GMDS: variants seen among roughly 807,000 people sequenced by gnomAD.
The protein encoded by GMDS is GDP-mannose 4,6 dehydratase.
GMDS carries 20 observed loss-of-function variants against 49.9 expected under a neutral mutation model. That is an observed-to-expected ratio of 0.40 (90% CI 0.28 to 0.58). GMDS has a LOEUF of 0.58. GMDS is among the 20% of genes least tolerant of loss of function. The pLI, the probability that GMDS is intolerant of heterozygous loss-of-function variation, is 0.42. For synonymous variants in GMDS, 177 were observed against 178.6 expected, an observed-to-expected ratio of 0.99 and a Z score of 0.07; for missense variants, 362 against 481.4, an observed-to-expected ratio of 0.75 and a Z score of 2.32.
At chr6:2,163,451 G>T (rs1289086238) in intron 1 of GMDS, among the ~76,000 whole-genome samples, 2 of 149,742 alleles carry the variant, frequency 1.3e-5, no homozygotes, top group Non-Finnish European at 2.9e-5. Context: ...GAGAGAGAGA[G>T]ATTTACTACA....
At chr6:1,844,880 A>C (rs538858938) in intron 7 of GMDS, among the ~76,000 whole-genome samples, 2 of 152,352 alleles carry the variant, frequency 1.3e-5, no homozygotes, top group East Asian at 3.9e-4. Context: ...GAGAGTTACA[A>C]CTGTAACCTG....
At chr6:2,211,191 T>C (rs931103923) in intron 1 of GMDS, among the ~76,000 whole-genome samples, 2 of 152,116 alleles carry the variant, frequency 1.3e-5, no homozygotes, top group African/African-American at 4.8e-5. Flanking sequence ...CCAAAACAGC[T>C]CTGGTTTGTT....
intron 6 of GMDS, among the ~76,000 whole-genome samples, chr6:1,950,361 G>GA (rs1373646304): frequency 1.3e-5 from 2 of 152,108 alleles, no homozygotes; most frequent in African/African-American, 4.8e-5. Flanking sequence ...ATTCTCAAAT[G>GA]AAAAATGTGT....
intron 1 of GMDS, among the ~76,000 whole-genome samples, chr6:2,172,404 T>C (rs1408739580): frequency 2.6e-5 from 4 of 152,050 alleles, no homozygotes; most frequent in East Asian, 1.9e-4. Context: ...TTAAAAAGAA[T>C]TGATATGGCC....
At chr6:2,050,071 A>T (rs955879903) in intron 4 of GMDS, among the ~76,000 whole-genome samples, 3 of 152,232 alleles carry the variant, frequency 2.0e-5, no homozygotes, top group Non-Finnish European at 4.4e-5. Context: ...AACCCTTTAA[A>T]AAATCACTAA....
chr6:1,825,290 A>T (rs1420889206), intron 7 of GMDS, among the ~76,000 whole-genome samples: 1 of 152,236 alleles, frequency 6.6e-6, no homozygotes, highest in East Asian at 1.9e-4. Flanking sequence ...TACAGAAAAC[A>T]TAAAAATTCT....
intron 1 of GMDS, among the ~76,000 whole-genome samples, chr6:2,128,308 C>G (rs9503103): frequency 0.11 from 16,610 of 151,746 alleles, 3,009 homozygotes; most frequent in African/African-American, 0.38. Flanking sequence ...CTGAGTAACT[C>G]AGATTACAGG....
At position 2,191,251 on chromosome 6, in the gene GMDS, T is replaced by A. The variant is rs764296566; in HGVS notation, c.102+54070A>T. On this transcript the variant is annotated intron_variant, in intron 1 of 10. Coordinates refer to ENST00000380815, the MANE Select transcript of GMDS (RefSeq NM_001500.4). The surrounding 1 kb of genome is among the most constrained non-coding windows in gnomAD (Gnocchi z 4.6). ...GCTATCCGCTCCTGGAGGCACCCCC[T>A]GGGGAAGGGCCGCAAGCGGGATGAG... is the stretch of plus-strand genomic sequence containing the variant. Among the ~76,000 whole-genome samples the A allele has an allele frequency of 7.2e-5, 11 of 151,944 alleles. No individual in the cohort carries two copies. Among genetic ancestry groups the A allele is most frequent in the Non-Finnish European group, 1.6e-4 (11 of 67,934 alleles).
chr6:2,133,399 A>G (rs1775843988), intron 1 of GMDS, among the ~76,000 whole-genome samples: 1 of 152,214 alleles, frequency 6.6e-6, no homozygotes, highest in African/African-American at 2.4e-5. Context: ...ACTGATGACT[A>G]TATCTTTCCC....
chr6:1,661,118 G>A (rs1764057478), intron 9 of GMDS, among the ~76,000 whole-genome samples: 1 of 152,136 alleles, frequency 6.6e-6, no homozygotes, highest in African/African-American at 2.4e-5. Flanking sequence ...AAATACCATG[G>A]GGCAGTCCTC....
chr6:1,920,949 T>C (rs1425764129), intron 7 of GMDS, among the ~76,000 whole-genome samples: 1 of 152,242 alleles, frequency 6.6e-6, no homozygotes, highest in Non-Finnish European at 1.5e-5. Flanking sequence ...GCACCATGAC[T>C]TTCTTAAGTA....
chr6:1,887,157 T>C (rs1759648538), intron 7 of GMDS, among the ~76,000 whole-genome samples: 1 of 152,202 alleles, frequency 6.6e-6, no homozygotes, highest in Non-Finnish European at 1.5e-5. Context: ...GCTATATATA[T>C]TATTCAATAA....
chr6:1,796,445 G>A (rs1350843190), intron 7 of GMDS, among the ~76,000 whole-genome samples: 1 of 152,140 alleles, frequency 6.6e-6, no homozygotes, highest in African/African-American at 2.4e-5. Context: ...CACGCCTGCA[G>A]ACTGCAATTA....
chr6:1,942,174 C>T (rs373908276), intron 6 of GMDS, among the ~76,000 whole-genome samples: 8 of 152,332 alleles, frequency 5.3e-5, no homozygotes, highest in African/African-American at 1.4e-4. Flanking sequence ...TTCTGGATGG[C>T]CCTGCATGGT....
chr6:2,151,784 T>C (rs1428024815), intron 1 of GMDS, among the ~76,000 whole-genome samples: 1 of 152,178 alleles, frequency 6.6e-6, no homozygotes, highest in Non-Finnish European at 1.5e-5. Context: ...TGTAAATTTT[T>C]CTTTAAATCC....
At position 1,753,478 on chromosome 6, in the gene GMDS, T is replaced by A. The variant is rs188931593; in HGVS notation, c.772-10892A>T. Reference sequence around the variant, plus strand: ...ACACCCCACTGTCAATATTAGATCATTGAGACAGAAAATTTACAAGGATAT... The same window carrying A: ...ACACCCCACTGTCAATATTAGATCAATGAGACAGAAAATTTACAAGGATAT... On this transcript the variant is annotated intron_variant, in intron 7 of 10. Transcript: ENST00000380815. 3.9e-5 allele frequency among the ~76,000 whole-genome samples: 6 copies of A among 152,026 alleles called. No homozygotes were observed. In the East Asian group the frequency reaches 1.2e-3, roughly 29 times the overall value.
At chr6:2,083,554 A>G (rs1156518428) in intron 4 of GMDS, among the ~76,000 whole-genome samples, 1 of 152,238 alleles carries the variant, frequency 6.6e-6, no homozygotes, top group Non-Finnish European at 1.5e-5. Context: ...AATACAGAAT[A>G]CAGACACCTC....
intron 7 of GMDS, among the ~76,000 whole-genome samples, chr6:1,858,039 G>A (rs563337085): frequency 6.6e-6 from 1 of 152,108 alleles, no homozygotes; most frequent in Admixed American, 6.6e-5. Flanking sequence ...TAAGAGTAAC[G>A]AATGTATTAT....
intron 7 of GMDS, among the ~76,000 whole-genome samples, chr6:1,790,711 T>C (rs1248205077): frequency 1.3e-5 from 2 of 152,222 alleles, no homozygotes; most frequent in Non-Finnish European, 2.9e-5. Flanking sequence ...TTCATTTATA[T>C]CCACATGTAC....
Sources: gnomAD v4.1 joint callset for allele counts (sites outside exome capture counted in the v4.1 genomes callset) on GRCh38, gnomAD v4.1.1 for gene constraint, Gnocchi (gnomAD v3.1) non-coding constraint, MANE v1.5 for transcripts, NCBI Gene and HGNC (gene_info 2026-07-23, HGNC 2026-07-21) for gene names.